Variants in RAPGEF4 observed in about 807,000 individuals in gnomAD.
The protein encoded by RAPGEF4 is Rap guanine nucleotide exchange factor 4, also known as RAP guanine-nucleotide-exchange factor (GEF) 4.
In RAPGEF4, 66 loss-of-function variants were observed where a neutral mutation model predicts 147.9. The observed-to-expected ratio is 0.45, with a 90% CI of 0.37 to 0.55. The LOEUF is 0.55. Among genes scored for constraint, RAPGEF4 ranks in the 20% least tolerant of loss-of-function variants. RAPGEF4 has a pLI of 0.00. For missense variants in RAPGEF4, 1,071 were observed against 1,257.3 expected (o/e 0.85, Z 2.24); for synonymous variants, 419 against 442.7 (o/e 0.95, Z 0.67).
intron 1 of RAPGEF4, among the ~76,000 whole-genome samples, chr2:172,781,024 A>G (rs112079260): frequency 1.1e-3 from 167 of 152,274 alleles, no homozygotes; most frequent in African/African-American, 3.8e-3. Context: ...ACAACCAAAG[A>G]CATCTTAGGG....
intron 1 of RAPGEF4, among the ~76,000 whole-genome samples, chr2:172,754,851 G>A (rs186389892): frequency 0.038 from 5,752 of 152,202 alleles, 143 homozygotes; most frequent in Middle Eastern, 0.078. Context: ...GACCATCCTG[G>A]CTAACACGGT....
intron 4 of RAPGEF4, among the ~76,000 whole-genome samples, chr2:172,900,105 G>A (rs1317215293): frequency 6.6e-6 from 1 of 152,242 alleles, no homozygotes; most frequent in East Asian, 1.9e-4. Context: ...TCGAGAGGCA[G>A]AGGCAGAATG....
At chr2:172,880,291 C>T (rs777027350) in intron 4 of RAPGEF4, among the ~76,000 whole-genome samples, 13 of 152,238 alleles carry the variant, frequency 8.5e-5, no homozygotes, top group South Asian at 2.1e-4. Context: ...ATAGAGCTCA[C>T]GCTCTATAAA....
rs1459871261 is a variant in RAPGEF4 at position 173,024,411 on chromosome 2, G to A, written c.2254-2161G>A. Among the ~76,000 whole-genome samples the A allele has an allele frequency of 2.8e-5, 4 of 143,268 alleles. No individual in the cohort carries two copies. The East Asian group carries it at 8.4e-4, about 30-fold the overall frequency. 94.0% of individuals were successfully genotyped at this position (143,268 alleles called of 152,430 possible). A position where few individuals can be genotyped will look rare whatever the true frequency, so the allele number is the denominator to read the frequency against. On this transcript the variant is annotated intron_variant, in intron 23 of 30. Coordinates refer to ENST00000397081, the MANE Select transcript of RAPGEF4 (RefSeq NM_007023.4). ...TTTTTGTATTTTTAGTAGAGACGGG[G>A]TTTCACCGTTTTAGCCAGGATGGTC...
intron 1 of RAPGEF4, among the ~76,000 whole-genome samples, chr2:172,780,656 G>A (rs1363321135): frequency 6.6e-6 from 1 of 152,088 alleles, no homozygotes. Context: ...ATATTCTGCT[G>A]CTCTTCAATA....
chr2:172,918,113 T>G, intron 5 of RAPGEF4: 1 of 672,072 alleles, frequency 1.5e-6, no homozygotes, highest in Non-Finnish European at 2.7e-6. Context: ...AACTTTGGCA[T>G]GCATAGAATA....
At chr2:172,971,201 C>T (rs1269280084) in intron 10 of RAPGEF4, among the ~76,000 whole-genome samples, 4 of 152,162 alleles carry the variant, frequency 2.6e-5, no homozygotes, top group African/African-American at 9.7e-5. Flanking sequence ...TTGAGGCCAA[C>T]TGTGGATAAA....
At chr2:172,906,809 GCT>G (rs61677258) in intron 4 of RAPGEF4, among the ~76,000 whole-genome samples, 8,192 of 152,306 alleles carry the variant, frequency 0.054, 724 homozygotes, top group African/African-American at 0.19. Context: ...AGATGGCTCA[GCT>G]CAGTTCAAGC....
chr2:172,814,573 G>A, intron 4 of RAPGEF4, 148 bp downstream of exon 4: 2 of 1,002,586 alleles, frequency 2.0e-6, no homozygotes, highest in Non-Finnish European at 3.0e-6. Context: ...TTTTTGAAAT[G>A]AGTGAGTGAA....
chr2:172,884,762 T>C (rs1696996066), intron 4 of RAPGEF4, among the ~76,000 whole-genome samples: 1 of 152,244 alleles, frequency 6.6e-6, no homozygotes, highest in Admixed American at 6.5e-5. Flanking sequence ...CCCTGTGATA[T>C]GGTATTATTT....
intron 6 of RAPGEF4, among the ~76,000 whole-genome samples, chr2:172,925,596 AC>A (rs1685206516): frequency 6.6e-6 from 1 of 151,388 alleles, no homozygotes; most frequent in South Asian, 2.1e-4. Context: ...GTACACACAC[AC>A]ACACACACAC....
intron 4 of RAPGEF4, among the ~76,000 whole-genome samples, chr2:172,829,844 T>C (rs1243377162): frequency 6.6e-6 from 1 of 150,380 alleles, no homozygotes; most frequent in Non-Finnish European, 1.5e-5. Context: ...TAGGTCTGCG[T>C]TTGGAGGGTC....
intron 1 of RAPGEF4, among the ~76,000 whole-genome samples, chr2:172,754,525 G>A (rs1479471768): frequency 6.6e-6 from 1 of 152,110 alleles, no homozygotes. Context: ...ACAGTAAGAA[G>A]CTATTATTGA....
At position 172,962,262 on chromosome 2, in the gene RAPGEF4, GC is replaced by G. The variant is rs35310710; in HGVS notation, c.698+1036del. On this transcript the variant is annotated intron_variant, in intron 8 of 30. Transcript: ENST00000397081. ...TCAGTGAGACTCTCTTTCCCATTTA[GC>G]CTAGACATGACCTCAGAACCCATCA... Among the ~76,000 whole-genome samples, 3 of 152,208 alleles carry G rather than the reference GC, an allele frequency of 2.0e-5. No homozygotes were observed. The East Asian group carries it at 5.8e-4, about 29-fold the overall frequency.
intron 1 of RAPGEF4, among the ~76,000 whole-genome samples, chr2:172,793,440 A>G (rs1455303440): frequency 6.6e-6 from 1 of 152,168 alleles, no homozygotes; most frequent in African/African-American, 2.4e-5. Flanking sequence ...CAGAATAAAT[A>G]TATGCTAGTT....
chr2:172,950,049 G>A (rs1688055386), intron 6 of RAPGEF4, among the ~76,000 whole-genome samples: 1 of 152,116 alleles, frequency 6.6e-6, no homozygotes, highest in Admixed American at 6.5e-5. Context: ...TTATAAATTT[G>A]TTCTCTATAC....
intron 17 of RAPGEF4, among the ~76,000 whole-genome samples, chr2:173,005,522 T>G (rs1410562819): frequency 1.8e-5 from 2 of 113,070 alleles, no homozygotes; most frequent in African/African-American, 3.2e-5. Flanking sequence ...TGTTTTGTGT[T>G]TTTTTTTTTT....
At chr2:172,962,490 A>G (rs1232522969) in intron 8 of RAPGEF4, among the ~76,000 whole-genome samples, 1 of 152,208 alleles carries the variant, frequency 6.6e-6, no homozygotes, top group Non-Finnish European at 1.5e-5. Context: ...ATCTAGATCT[A>G]GTATCTACAG....
At chr2:172,828,828 T>C (rs575618526) in intron 4 of RAPGEF4, among the ~76,000 whole-genome samples, 2 of 152,342 alleles carry the variant, frequency 1.3e-5, no homozygotes, top group African/African-American at 4.8e-5. Flanking sequence ...GAGGGAATCA[T>C]GGCAGCCCGT....
Sources: gnomAD v4.1 joint callset for allele counts (sites outside exome capture counted in the v4.1 genomes callset) on GRCh38, gnomAD v4.1.1 for gene constraint, MANE v1.5 for transcripts, NCBI Gene and HGNC (gene_info 2026-07-23, HGNC 2026-07-21) for gene names.